Variants in CPOX observed in about 807,000 individuals in gnomAD.
The protein encoded by CPOX is oxygen-dependent coproporphyrinogen-III oxidase, mitochondrial.
Under a neutral mutation model 48.9 loss-of-function variants are expected in CPOX, and 24 were observed. That is an observed-to-expected ratio of 0.49 (90% confidence interval 0.36 to 0.69). The LOEUF (loss-of-function observed/expected upper bound fraction) is 0.69. Among genes scored for constraint, CPOX ranks in the 30% least tolerant of loss-of-function variants. The probability of loss-of-function intolerance (pLI) is 0.00; values close to 1 mark genes in which losing one functional copy is unlikely to be tolerated. For missense variants in CPOX, 549 were observed against 597.3 expected, an observed-to-expected ratio of 0.92 and a Z score of 0.84; for synonymous variants, 249 against 234.6, an observed-to-expected ratio of 1.06 and a Z score of -0.56.
rs192634384 is a variant in CPOX at position 98,592,898 on chromosome 3, C to A, written c.556+51G>T. The stretch of plus-strand genomic sequence containing the variant: ...TATATTTTCTGTCTGCAACCTGGAA[C>A]CTGACCCTTTTTCCCTGTCTCCAAC... On this transcript the variant is annotated intron_variant, in intron 1 of 6. Coordinates refer to ENST00000647941, the MANE Select transcript of CPOX (RefSeq NM_000097.7). 3.2e-6 allele frequency: 5 copies of A among 1,565,006 alleles called. No individual in the cohort carries two copies. In the East Asian group the frequency reaches 1.2e-4, roughly 37 times the overall value.
downstream of CPOX, chr3:98,579,399 T>C (rs1246473198): frequency 3.2e-6 from 2 of 618,392 alleles, no homozygotes; most frequent in Non-Finnish European, 4.0e-6. Flanking sequence ...CTAAGAAATA[T>C]ATGCGTTTTC....
intron 3 of CPOX, 194 bp downstream of exon 3, chr3:98,590,438 C>T: frequency 1.6e-6 from 1 of 631,130 alleles, no homozygotes; most frequent in Non-Finnish European, 2.9e-6. Flanking sequence ...TATGAGCCAC[C>T]AAGCCTGGCC....
At chr3:98,575,374 G>T (rs1403243572), downstream of CPOX, among the ~76,000 whole-genome samples, 1 of 152,200 alleles carries the variant, frequency 6.6e-6, no homozygotes, top group Non-Finnish European at 1.5e-5. Context: ...AACAGTAAAA[G>T]AATTATTGAA....
intron 1 of CPOX, among the ~76,000 whole-genome samples, chr3:98,592,091 A>C (rs1707491695): frequency 6.6e-6 from 1 of 152,080 alleles, no homozygotes; most frequent in Non-Finnish European, 1.5e-5. Context: ...ACTTCTGAGG[A>C]TCACACAGCT....
intron 5 of CPOX, 98 bp from the exon 6 acceptor site, chr3:98,581,609 A>T: frequency 1.1e-6 from 1 of 909,056 alleles, no homozygotes; most frequent in Non-Finnish European, 1.8e-6. Context: ...TCTTCCCCCC[A>T]GTTCCCATCA....
At chr3:98,577,078 G>A (rs542610699), downstream of CPOX, among the ~76,000 whole-genome samples, 10 of 152,146 alleles carry the variant, frequency 6.6e-5, no homozygotes, top group African/African-American at 2.4e-4. Flanking sequence ...ATGGAAGGAT[G>A]AGCGGGCACA....
rs121917866 is a variant in CPOX, at chr3:98,585,622, G to A, written c.991C>T (p.Arg331Trp). The A allele has an allele frequency of 3.1e-6, 5 of 1,613,854 alleles. No individual in the cohort carries two copies. Among genetic ancestry groups the A allele is most frequent in the Non-Finnish European group, 4.2e-6 (5 of 1,179,900 alleles). Residue 331 changes from arginine (R) to tryptophan (W), a missense_variant, in exon 5 of 7, where the codon CGG (arginine) becomes TGG (tryptophan). Transcript: ENST00000647941. ...DYFFIAHRGERRGIGGIFFDD... is the reference protein window; with the variant it reads ...DYFFIAHRGEWRGIGGIFFDD... Reference sequence around the variant, plus strand: ...AAAAAGATACCACCAATGCCCCGCCGTTCTCCACGATGGGCTATAAAGAAG... The same window carrying A: ...AAAAAGATACCACCAATGCCCCGCCATTCTCCACGATGGGCTATAAAGAAG...
intron 4 of CPOX, among the ~76,000 whole-genome samples, chr3:98,587,199 AC>A (rs1377201738): frequency 6.6e-6 from 1 of 152,158 alleles, no homozygotes; most frequent in African/African-American, 2.4e-5. Context: ...GGTAGAATTC[AC>A]CTTAATCGTG....
intron 1 of CPOX, among the ~76,000 whole-genome samples, chr3:98,591,864 C>T (rs1225045750): frequency 6.6e-6 from 1 of 152,010 alleles, no homozygotes; most frequent in Non-Finnish European, 1.5e-5. Context: ...AGGGGCAAAA[C>T]ATCTTATCCA....
At chr3:98,592,832 G>T in intron 1 of CPOX, 117 bp downstream of exon 1, 1 of 1,160,272 alleles carries the variant, frequency 8.6e-7, no homozygotes, top group Non-Finnish European at 1.3e-6. Flanking sequence ...CGGCCTCTCT[G>T]TGGGTACCCC....
chr3:98,573,481 CCTCTT>C, the CPOX span, among the ~76,000 whole-genome samples: 1 of 151,988 alleles, frequency 6.6e-6, no homozygotes, highest in Non-Finnish European at 1.5e-5. Context: ...CTGTTCTCCA[CCTCTT>C]CTCTCTCGTT....
chr3:98,592,544 T>C (rs1302421794), intron 1 of CPOX, among the ~76,000 whole-genome samples: 1 of 152,126 alleles, frequency 6.6e-6, no homozygotes, highest in African/African-American at 2.4e-5. Context: ...AGATGAGTTC[T>C]TTCCATCTCC....
downstream of CPOX, among the ~76,000 whole-genome samples, chr3:98,577,783 A>G (rs568931380): frequency 2.6e-5 from 4 of 152,334 alleles, no homozygotes; most frequent in East Asian, 7.7e-4. Context: ...GTCCAAGATG[A>G]GCTGAGCCTT....
chr3:98,572,036 A>G, the CPOX span, among the ~76,000 whole-genome samples: 1 of 152,146 alleles, frequency 6.6e-6, no homozygotes, highest in Non-Finnish European at 1.5e-5. Context: ...CTCTATTTTC[A>G]GGGTTCAGAG....
rs1707526572 is a variant in CPOX, at chr3:98,593,396, C to T, written c.109G>A (p.Ala37Thr). The stretch of plus-strand genomic sequence containing the variant: ...CCGGCTGCGCTGCGCTGGGACCAGG[C>T]TCGGAGCCCTCCGCCGCCGCACTGG... ...WSQCGGGGLR[A>T]WSQRSAAGRV... The change falls in exon 1 of 7, where the codon GCC becomes ACC. Residue 37 changes from alanine to threonine, a missense_variant. This residue lies in a region of CPOX where 336 missense variants were observed against 318.1 expected (regional missense o/e 1.06). Transcript: ENST00000647941. 2 of 1,416,532 alleles carry T rather than the reference C, an allele frequency of 1.4e-6. No individual in the cohort carries two copies. Among genetic ancestry groups the T allele is most frequent in the Non-Finnish European group, 1.8e-6 (2 of 1,094,446 alleles). The allele number at this position is 1,416,532 out of a possible 1,614,324, so 87.7% of individuals were successfully genotyped here.
At chr3:98,591,468 T>C (rs185205859) in intron 1 of CPOX, among the ~76,000 whole-genome samples, 2 of 152,340 alleles carry the variant, frequency 1.3e-5, no homozygotes, top group Admixed American at 6.5e-5. Flanking sequence ...TCAGTTATGA[T>C]ATATGAGAGA....
chr3:98,582,814 GCA>G (rs2107116335), intron 5 of CPOX, among the ~76,000 whole-genome samples: 1 of 152,226 alleles, frequency 6.6e-6, no homozygotes, highest in South Asian at 2.1e-4. Flanking sequence ...TTTTTTAAAA[GCA>G]CCTTTTGTAT....
intron 1 of CPOX, among the ~76,000 whole-genome samples, chr3:98,592,602 T>A (rs1489792350): frequency 6.6e-6 from 1 of 152,140 alleles, no homozygotes; most frequent in Non-Finnish European, 1.5e-5. Flanking sequence ...AGAAAATGTG[T>A]TCCATAATCT....
chr3:98,584,537 A>C (rs1257029867), intron 5 of CPOX, among the ~76,000 whole-genome samples: 2 of 152,226 alleles, frequency 1.3e-5, no homozygotes, highest in Non-Finnish European at 2.9e-5. Context: ...ACATTATTTA[A>C]GTTGACCTCT....
Sources: allele counts gnomAD v4.1 joint callset (sites outside exome capture counted in the v4.1 genomes callset), GRCh38; gene constraint gnomAD v4.1.1; regional missense constraint gnomAD v4.1.1; transcripts MANE v1.5; gene names NCBI Gene and HGNC (gene_info 2026-07-23, HGNC 2026-07-21).